Variants in NCK2 observed in about 807,000 individuals in gnomAD.
The protein encoded by NCK2 is cytoplasmic protein NCK2.
NCK2 carries 16 observed loss-of-function variants against 33.9 expected under a neutral mutation model. The ratio of observed to expected loss-of-function variants is 0.47; its 90% CI spans 0.32 to 0.72. The LOEUF (loss-of-function observed/expected upper bound fraction) is 0.72. Ranked by LOEUF, NCK2 falls within the 30% of genes least tolerant of loss-of-function variation. The probability of loss-of-function intolerance (pLI) is 0.03; values close to 1 mark genes in which losing one functional copy is unlikely to be tolerated. For missense variants in NCK2, 418 were observed against 537.3 expected, an observed-to-expected ratio of 0.78 and a Z score of 2.19; for synonymous variants, 273 against 239.9, an observed-to-expected ratio of 1.14 and a Z score of -1.27.
intron 1 of NCK2, among the ~76,000 whole-genome samples, chr2:105,779,746 G>GATTT (rs1690426565): frequency 6.6e-6 from 1 of 152,098 alleles, no homozygotes; most frequent in Admixed American, 6.5e-5. Flanking sequence ...GTCAGACCAT[G>GATTT]ATTTAAAACG....
At chr2:105,807,016 T>A (rs1446173209) in intron 1 of NCK2, among the ~76,000 whole-genome samples, 1 of 152,220 alleles carries the variant, frequency 6.6e-6, no homozygotes, top group Non-Finnish European at 1.5e-5. Context: ...ACCCTCATGC[T>A]GAAGAGTCCT....
chr2:105,892,907 A>T (rs1342197660), intron 4 of NCK2, 75 bp from the exon 5 acceptor site: 2 of 1,279,240 alleles, frequency 1.6e-6, no homozygotes, highest in East Asian at 4.7e-5. Flanking sequence ...ATTTAGACGC[A>T]CAAGAGATGT....
intron 4 of NCK2, among the ~76,000 whole-genome samples, chr2:105,883,857 A>G (rs1678609143): frequency 6.6e-6 from 1 of 152,216 alleles, no homozygotes; most frequent in Non-Finnish European, 1.5e-5. Context: ...ATTCTCTCCT[A>G]ACTTAGAAAG....
rs1196051944 is a variant in NCK2 at position 105,803,203 on chromosome 2, G to T, written c.-200-13227G>T. Reference sequence around the variant, plus strand: ...AGTTGTTAATATAAACATTTATTCTGCTTGTCTCCATCAAATTTTTAAATT... The same window carrying T: ...AGTTGTTAATATAAACATTTATTCTTCTTGTCTCCATCAAATTTTTAAATT... On this transcript the variant is annotated intron_variant, in intron 1 of 4. Transcript: ENST00000233154. Among the ~76,000 whole-genome samples the T allele has an allele frequency of 3.9e-5, 6 of 152,202 alleles. No homozygotes were observed. The East Asian group carries it at 5.8e-4, about 15-fold the overall frequency.
intron 1 of NCK2, among the ~76,000 whole-genome samples, chr2:105,809,137 G>T (rs1325986200): frequency 6.6e-6 from 1 of 152,174 alleles, no homozygotes; most frequent in African/African-American, 2.4e-5. Context: ...GTTCTTTCTG[G>T]TGTGCAAGAG....
chr2:105,859,197 G>GT (rs1222740394), intron 3 of NCK2, among the ~76,000 whole-genome samples: 1 of 152,196 alleles, frequency 6.6e-6, no homozygotes, highest in Non-Finnish European at 1.5e-5. Context: ...CTGAAGAGCA[G>GT]TTTTTTGTTA....
In NCK2 at chr2:105,830,670, GGTGTGTGTGT is replaced by G. The variant is rs56220635; in HGVS notation, c.-17+14094_-17+14103del. Among the ~76,000 whole-genome samples the G allele has an allele frequency of 4.5e-3, 441 of 99,048 alleles. 1 individual carries two copies. The highest frequency in any genetic ancestry group is 7.5e-3 in the Non-Finnish European group (353 of 46,784). 65.0% of individuals were successfully genotyped at this position (99,048 alleles called of 152,430 possible). On this transcript the variant is annotated intron_variant, in intron 2 of 4. Coordinates refer to ENST00000233154, the MANE Select transcript of NCK2 (RefSeq NM_003581.5). Reference sequence around the variant, plus strand: ...TTGTTTGCATCCTTGCCAGGAATTTGGTGTGTGTGTGTGTGTGTGTGTGTGTGTGTGTGTG... The same window carrying G: ...TTGTTTGCATCCTTGCCAGGAATTTGGTGTGTGTGTGTGTGTGTGTGTGTG...
rs538724646 is a variant in NCK2 at position 105,893,398 on chromosome 2, G to A, written c.*222G>A. The A allele has an allele frequency of 7.2e-5, 37 of 515,098 alleles. No individual in the cohort carries two copies. Among genetic ancestry groups the A allele is most frequent in the African/African-American group, 5.3e-4 (28 of 52,826 alleles). The allele number at this position is 515,098 out of a possible 1,614,324, so 31.9% of individuals were successfully genotyped here. A position where few individuals can be genotyped will look rare whatever the true frequency, so the allele number is the denominator to read the frequency against. ...CAGCTTTAGAGGAGGGGAGGAGCAG[G>A]GCGAGTTCACATTATTCCTTTTCCA... is the stretch of plus-strand genomic sequence containing the variant. On this transcript the variant is annotated 3_prime_UTR_variant, in exon 5 of 5. Transcript: ENST00000233154.
intron 2 of NCK2, among the ~76,000 whole-genome samples, chr2:105,836,748 A>G (rs1676451568): frequency 6.6e-6 from 1 of 152,002 alleles, no homozygotes; most frequent in African/African-American, 2.4e-5. Context: ...CTTTGGGTGG[A>G]TACGGTGAGA....
chr2:105,761,159 T>C (rs763788596), intron 1 of NCK2, among the ~76,000 whole-genome samples: 3 of 152,190 alleles, frequency 2.0e-5, no homozygotes, highest in Non-Finnish European at 4.4e-5. Flanking sequence ...ACTGGGCCTC[T>C]TCTGGGCAGC....
chr2:105,892,902 G>T, intron 4 of NCK2, 80 bp from the exon 5 acceptor site: 3 of 1,163,462 alleles, frequency 2.6e-6, no homozygotes, highest in Non-Finnish European at 3.6e-6. Context: ...TTTGGATTTA[G>T]ACGCACAAGA....
chr2:105,773,842 C>A (rs1690214467), intron 1 of NCK2, among the ~76,000 whole-genome samples: 1 of 152,190 alleles, frequency 6.6e-6, no homozygotes, highest in South Asian at 2.1e-4. Flanking sequence ...GGACTGTTGT[C>A]TTTTGTTCTT....
At chr2:105,871,656 C>T (rs540743312) in intron 3 of NCK2, among the ~76,000 whole-genome samples, 3 of 152,138 alleles carry the variant, frequency 2.0e-5, no homozygotes, top group Non-Finnish European at 4.4e-5. Context: ...CCACACCCAG[C>T]TAATTTTTTT....
chr2:105,815,072 A>G (rs916159417), intron 1 of NCK2, among the ~76,000 whole-genome samples: 1 of 152,210 alleles, frequency 6.6e-6, no homozygotes, highest in African/African-American at 2.4e-5. Flanking sequence ...TCAGATTCCA[A>G]TACTTCCATC....
intron 1 of NCK2, among the ~76,000 whole-genome samples, chr2:105,777,965 T>G (rs895153136): frequency 1.3e-5 from 2 of 152,182 alleles, no homozygotes; most frequent in South Asian, 4.1e-4. Context: ...GGAAAGTTCT[T>G]TTGTTTGAGA....
At chr2:105,756,334 A>G (rs1369096048) in intron 1 of NCK2, among the ~76,000 whole-genome samples, 1 of 94,206 alleles carries the variant, frequency 1.1e-5, no homozygotes, top group Non-Finnish European at 2.0e-5. Flanking sequence ...TTAAAAGTAC[A>G]ATCAATCTTT....
chr2:105,862,779 TG>T (rs1309024912), intron 3 of NCK2, among the ~76,000 whole-genome samples: 2 of 152,308 alleles, frequency 1.3e-5, no homozygotes, highest in African/African-American at 4.8e-5. Flanking sequence ...TCAAATGGCT[TG>T]GGGAAAATAA....
intron 1 of NCK2, among the ~76,000 whole-genome samples, chr2:105,787,681 A>C (rs1025333609): frequency 1.3e-5 from 2 of 152,114 alleles, no homozygotes; most frequent in Admixed American, 1.3e-4. Flanking sequence ...ACTCCACCCC[A>C]TGGGGTGTCA....
intron 1 of NCK2, among the ~76,000 whole-genome samples, chr2:105,766,271 T>TG (rs1689945195): frequency 1.3e-5 from 2 of 152,052 alleles, no homozygotes; most frequent in South Asian, 2.1e-4. Context: ...GCCTGGAAGG[T>TG]GGGGAGAACC....
Sources: gnomAD v4.1 joint callset for allele counts (sites outside exome capture counted in the v4.1 genomes callset) on GRCh38, gnomAD v4.1.1 for gene constraint, MANE v1.5 for transcripts, NCBI Gene and HGNC (gene_info 2026-07-23, HGNC 2026-07-21) for gene names.